The following PLA2G4E variants were observed in gnomAD, a reference collection of about 807,000 sequenced individuals.
PLA2G4E encodes the protein phospholipase A2 group IVE.
A neutral mutation model predicts 109.1 loss-of-function variants in PLA2G4E; 84 were observed. That is an observed-to-expected ratio of 0.77 (90% confidence interval 0.65 to 0.92). PLA2G4E has a LOEUF of 0.92. Among genes scored for constraint, PLA2G4E ranks in the 40% least tolerant of loss-of-function variants. The probability of loss-of-function intolerance (pLI) is 0.00; values close to 1 mark genes in which losing one functional copy is unlikely to be tolerated. For missense variants in PLA2G4E, 1,057 were observed against 1,076.6 expected (o/e 0.98, Z 0.25); for synonymous variants, 469 against 436.1 (o/e 1.08, Z -0.94).
intron 10 of PLA2G4E, chr15:41,999,228 G>A (rs934166823): frequency 4.5e-5 from 12 of 269,356 alleles, no homozygotes; most frequent in Non-Finnish European, 7.7e-5. Flanking sequence ...GAAAAGATAC[G>A]CCATAGAATA....
chr15:42,050,495 C>A (rs1889487649), intron 1 of PLA2G4E: 5 of 1,542,550 alleles, frequency 3.2e-6, no homozygotes, highest in South Asian at 1.2e-5. Flanking sequence ...AGGGACCAGA[C>A]CCCCCTCCCA....
chr15:42,016,268 C>T (rs1377317615), intron 1 of PLA2G4E, among the ~76,000 whole-genome samples: 1 of 114,900 alleles, frequency 8.7e-6, no homozygotes, highest in African/African-American at 3.3e-5. Flanking sequence ...TTTTTTGAGA[C>T]AGGGTCTCAC....
chr15:42,008,136 C>A (rs1467239917), intron 2 of PLA2G4E, among the ~76,000 whole-genome samples: 1 of 152,238 alleles, frequency 6.6e-6, no homozygotes, highest in Non-Finnish European at 1.5e-5. Context: ...TGTCCCTGAG[C>A]AAACACCTGC....
chr15:42,022,543 G>C (rs970324526), intron 1 of PLA2G4E, among the ~76,000 whole-genome samples: 4 of 151,964 alleles, frequency 2.6e-5, no homozygotes, highest in Non-Finnish European at 5.9e-5. Context: ...GGTTATGGGA[G>C]AGAGTGACAG....
rs967605906 is a variant in PLA2G4E, at chr15:42,019,278, C to T, written c.184-5521G>A. The stretch of plus-strand genomic sequence containing the variant: ...TCCTCATTGGAGCTCTCCCTATACC[C>T]CAAGAATCTAGCCGTTACCACAAAT... On this transcript the variant is annotated intron_variant, in intron 1 of 19. Coordinates refer to ENST00000399518, the Ensembl canonical transcript of PLA2G4E. 3.3e-5 allele frequency among the ~76,000 whole-genome samples: 5 copies of T among 152,196 alleles called. No homozygotes were observed. In the East Asian group the frequency reaches 9.6e-4, roughly 29 times the overall value.
chr15:41,992,693 A>T (rs958291887), intron 13 of PLA2G4E, 44 bp downstream of exon 13: 62 of 1,569,994 alleles, frequency 3.9e-5, no homozygotes, highest in Non-Finnish European at 5.1e-5. Flanking sequence ...AGAGCCAGGC[A>T]TCAGCCAGGG....
At chr15:42,030,927 A>G (rs987273192) in intron 1 of PLA2G4E, among the ~76,000 whole-genome samples, 2 of 152,188 alleles carry the variant, frequency 1.3e-5, no homozygotes, top group Non-Finnish European at 2.9e-5. Flanking sequence ...AAATTATTAC[A>G]ATTTGTTTAT....
chr15:42,050,475 T>A, intron 1 of PLA2G4E: 5 of 1,519,150 alleles, frequency 3.3e-6, no homozygotes, highest in Non-Finnish European at 4.4e-6. Context: ...GAAAGTGAGG[T>A]TAAAATTTAA....
chr15:42,050,642 C>T, exon 1 of PLA2G4E: 1 of 1,550,612 alleles, frequency 6.4e-7, no homozygotes, highest in Non-Finnish European at 8.7e-7. Context: ...CGTTTGTGGG[C>T]TCTGTGGGAC....
In PLA2G4E at chr15:41,990,229, C is replaced by T. The variant is rs538654633; in HGVS notation, c.1477G>A (p.Glu493Lys). The change falls in exon 14 of 20, where the codon GAA (glutamate) becomes AAA (lysine). Residue 493 changes from glutamate (E) to lysine (K), a missense_variant. Transcript: ENST00000399518. Reference sequence around the variant, plus strand: ...GCACGCTGATCTGACAGTTTGCATTCATTTCTCTGTGGGGAAACAAAATGG... The same window carrying T: ...GCACGCTGATCTGACAGTTTGCATTTATTTCTCTGTGGGGAAACAAAATGG... 2 of 1,613,440 alleles carry T rather than the reference C, an allele frequency of 1.2e-6. No individual in the cohort carries two copies. The highest frequency in any genetic ancestry group is 4.5e-5 in the East Asian group (2 of 44,878).
exon 20 of PLA2G4E, chr15:41,981,729 C>T (rs993685469): frequency 6.6e-6 from 1 of 152,340 alleles, no homozygotes; most frequent in South Asian, 2.1e-4. Context: ...CTCTTTGATA[C>T]TGGAAGGAGA....
intron 10 of PLA2G4E, chr15:41,998,711 T>A (rs1364790232): frequency 6.6e-6 from 1 of 152,194 alleles, no homozygotes; most frequent in Non-Finnish European, 1.5e-5. Context: ...TAGACCTAAA[T>A]GTGAGAGCTA....
intron 17 of PLA2G4E, among the ~76,000 whole-genome samples, chr15:41,986,534 T>C (rs75174321): frequency 6.6e-6 from 1 of 151,826 alleles, no homozygotes; most frequent in South Asian, 2.1e-4. Context: ...TTTTTTTTTT[T>C]TGAGACAGGG....
At chr15:41,983,937 C>T in exon 20 of PLA2G4E, 3 of 1,611,968 alleles carry the variant, frequency 1.9e-6, no homozygotes, top group Non-Finnish European at 8.5e-7. Context: ...AAATGTCCAC[C>T]TGGCCCTGCT....
In PLA2G4E at chr15:42,013,620, C is replaced by G. The variant is rs1469089683; in HGVS notation, c.256+65G>C. Reference sequence around the variant, plus strand: ...ACACGGATCCACCTGACCATTTCTCCAGCCAGGGCCTCTTCCATCCAGATC... The same window carrying G: ...ACACGGATCCACCTGACCATTTCTCGAGCCAGGGCCTCTTCCATCCAGATC... On this transcript the variant is annotated intron_variant, in intron 2 of 19. Transcript: ENST00000399518. The G allele has an allele frequency of 2.2e-5, 33 of 1,469,990 alleles. 1 individual carries two copies. The South Asian group carries it at 3.8e-4, about 17-fold the overall frequency. 91.1% of individuals were successfully genotyped at this position (1,469,990 alleles called of 1,614,324 possible).
chr15:42,047,488 C>T (rs1257099832), intron 1 of PLA2G4E, among the ~76,000 whole-genome samples: 1 of 152,208 alleles, frequency 6.6e-6, no homozygotes, highest in Non-Finnish European at 1.5e-5. Flanking sequence ...ATGAGGGCAG[C>T]AGCCTCATGA....
At chr15:42,000,131 T>G in exon 8 of PLA2G4E, 1 of 1,593,256 alleles carries the variant, frequency 6.3e-7, no homozygotes, top group Non-Finnish European at 8.5e-7. Flanking sequence ...TCTTGGGCAC[T>G]TCCACGTGCA....
chr15:42,036,470 G>T (rs1889217592), intron 1 of PLA2G4E, among the ~76,000 whole-genome samples: 1 of 152,168 alleles, frequency 6.6e-6, no homozygotes, highest in African/African-American at 2.4e-5. Flanking sequence ...GGCAGCCATT[G>T]CTGCCATCGC....
At chr15:42,008,218 G>C (rs774037399) in intron 2 of PLA2G4E, among the ~76,000 whole-genome samples, 5 of 152,212 alleles carry the variant, frequency 3.3e-5, no homozygotes, top group African/African-American at 1.2e-4. Flanking sequence ...AGTCCCCAAG[G>C]GTCCGGATTA....
Sources: gnomAD v4.1 joint callset for allele counts (sites outside exome capture counted in the v4.1 genomes callset) on GRCh38, gnomAD v4.1.1 for gene constraint, MANE v1.5 for transcripts, NCBI Gene and HGNC (gene_info 2026-07-23, HGNC 2026-07-21) for gene names.